WARS2: variants seen among roughly 807,000 people sequenced by gnomAD.
WARS2 encodes tryptophan--tRNA ligase, mitochondrial.
WARS2 carries 28 observed loss-of-function variants against 36.5 expected under a neutral mutation model. The ratio of observed to expected loss-of-function variants is 0.77; its 90% CI spans 0.57 to 1.05. The LOEUF (loss-of-function observed/expected upper bound fraction) is 1.05, where lower values mean the gene tolerates loss of function less well. Among genes scored for constraint, WARS2 ranks in the 50% least tolerant of loss-of-function variants. The pLI, the probability that WARS2 is intolerant of heterozygous loss-of-function variation, is 0.00. For missense variants in WARS2, 435 were observed against 456.8 expected, an observed-to-expected ratio of 0.95 and a Z score of 0.44; for synonymous variants, 174 against 178.4, an observed-to-expected ratio of 0.98 and a Z score of 0.20.
chr1:119,058,312 T>TC (rs1430445588), intron 2 of WARS2, among the ~76,000 whole-genome samples: 1 of 132,544 alleles, frequency 7.5e-6, no homozygotes, highest in Non-Finnish European at 1.6e-5. Flanking sequence ...TATTTCTTTT[T>TC]TTTTTTTTTT....
intron 2 of WARS2, among the ~76,000 whole-genome samples, chr1:119,069,677 T>A (rs1327426760): frequency 1.3e-5 from 2 of 152,150 alleles, no homozygotes; most frequent in Non-Finnish European, 2.9e-5. Context: ...TGGGCTTCAT[T>A]TTTTAAGGGA....
At chr1:119,132,419 G>A (rs958364791) in intron 1 of WARS2, among the ~76,000 whole-genome samples, 3 of 152,156 alleles carry the variant, frequency 2.0e-5, no homozygotes, top group Admixed American at 6.5e-5. Flanking sequence ...GTTCCACACA[G>A]TCTGGTCCTT....
rs931549218 is a variant in WARS2, at chr1:119,032,612, C to G, written c.*299G>C. 1 of 379,816 alleles carries G rather than the reference C, an allele frequency of 2.6e-6. No individual in the cohort carries two copies. The highest frequency in any genetic ancestry group is 2.1e-5 in the African/African-American group (1 of 48,238). 23.5% of individuals were successfully genotyped at this position (379,816 alleles called of 1,614,324 possible). A position where few individuals can be genotyped will look rare whatever the true frequency, so the allele number is the denominator to read the frequency against. On this transcript the variant is annotated 3_prime_UTR_variant, in exon 6 of 6. Transcript: ENST00000235521. ...AAATGATACTCCATTTCCCAAATTA[C>G]TCCTTACTTCAATCACATTTCTGCA...
At chr1:119,038,615 T>C (rs1041606860) in intron 4 of WARS2, among the ~76,000 whole-genome samples, 1 of 152,174 alleles carries the variant, frequency 6.6e-6, no homozygotes, top group Non-Finnish European at 1.5e-5. Context: ...GGTTTCTGCC[T>C]GCAGTTTCTT....
rs1557767979 is a variant in WARS2 at position 119,140,582 on chromosome 1, C to T, written c.63G>A (p.Lys21=). ...GGAGAGCGGGAGCAGCTGCGGATCCCTTATGAAGTGCCCGGATGAAGCTCC... is the reference window on the plus strand; with the variant it reads ...GGAGAGCGGGAGCAGCTGCGGATCCTTTATGAAGTGCCCGGATGAAGCTCC... The part of the protein sequence containing the change: ...ERWSFIRALH[K]GSAAAPALQK... Residue 21 remains lysine (K), a synonymous_variant, in exon 1 of 6, where the codon AAG becomes AAA. Coordinates refer to ENST00000235521, the MANE Select transcript of WARS2 (RefSeq NM_015836.4). 1 of 1,613,918 alleles carries T rather than the reference C, an allele frequency of 6.2e-7. No homozygotes were observed. The highest frequency in any genetic ancestry group is 1.1e-5 in the South Asian group (1 of 91,046).
Position 119,069,595 on chromosome 1 carries a change from A to G in WARS2, c.348+6755T>C, listed in dbSNP as rs538481587. 5.9e-5 allele frequency among the ~76,000 whole-genome samples: 9 copies of G among 152,360 alleles called. No individual in the cohort carries two copies. In the South Asian group the frequency reaches 1.4e-3, roughly 25 times the overall value. On this transcript the variant is annotated intron_variant, in intron 2 of 5. Transcript: ENST00000235521. ...TGGTAGAAGGTAATCAGATCATCCA[A>G]ACACAAACTGATAATAAAAGGTCTG...
intron 1 of WARS2, among the ~76,000 whole-genome samples, chr1:119,109,236 T>C (rs1158510976): frequency 6.6e-6 from 1 of 151,974 alleles, no homozygotes; most frequent in Non-Finnish European, 1.5e-5. Flanking sequence ...TTCAGTTGAT[T>C]TATGGAGTGT....
intron 1 of WARS2, among the ~76,000 whole-genome samples, chr1:119,133,464 T>C (rs769916626): frequency 2.2e-4 from 33 of 152,218 alleles, no homozygotes. Context: ...GCTAGCTGGG[T>C]TTACATTTTG....
intron 1 of WARS2, among the ~76,000 whole-genome samples, chr1:119,092,286 T>C (rs1004961107): frequency 6.6e-6 from 1 of 152,206 alleles, no homozygotes; most frequent in African/African-American, 2.4e-5. Context: ...TGCACCCTGT[T>C]AAAGCACTCT....
chr1:119,082,619 T>G (rs1204830344), intron 1 of WARS2: 1 of 220,190 alleles, frequency 4.5e-6, no homozygotes, highest in Non-Finnish European at 7.7e-6. Context: ...TTAGAACTTC[T>G]TGGCTTCAAG....
chr1:119,130,418 G>C (rs1175985248), intron 1 of WARS2, among the ~76,000 whole-genome samples: 1 of 152,118 alleles, frequency 6.6e-6, no homozygotes, highest in African/African-American at 2.4e-5. Flanking sequence ...ATAATTAGTG[G>C]TACCTGTGAA....
chr1:119,118,949 A>C (rs759956796), intron 1 of WARS2, among the ~76,000 whole-genome samples: 1 of 152,204 alleles, frequency 6.6e-6, no homozygotes, highest in African/African-American at 2.4e-5. Context: ...TCTTGAAACA[A>C]AACCCCAAAA....
intron 1 of WARS2, among the ~76,000 whole-genome samples, chr1:119,138,517 A>G (rs977587964): frequency 6.6e-6 from 1 of 152,206 alleles, no homozygotes; most frequent in Non-Finnish European, 1.5e-5. Context: ...GAAACAAATA[A>G]CTTTTAACCC....
intron 2 of WARS2, among the ~76,000 whole-genome samples, chr1:119,056,767 G>A (rs1025900585): frequency 1.3e-5 from 2 of 151,812 alleles, no homozygotes; most frequent in African/African-American, 4.8e-5. Flanking sequence ...CTGTGGATTT[G>A]TTTGGCTTAT....
At chr1:119,075,328 A>G (rs1571321460) in intron 2 of WARS2, among the ~76,000 whole-genome samples, 1 of 152,140 alleles carries the variant, frequency 6.6e-6, no homozygotes, top group East Asian at 1.9e-4. Flanking sequence ...AGTATACGAG[A>G]GAGTATGTGT....
At chr1:119,054,555 ATATAC>A (rs1649621138) in intron 2 of WARS2, among the ~76,000 whole-genome samples, 2 of 152,206 alleles carry the variant, frequency 1.3e-5, no homozygotes, top group Admixed American at 1.3e-4. Flanking sequence ...TTTCTCATAT[ATATAC>A]ATAAGAATCA....
At chr1:119,067,221 T>C (rs1650952207) in intron 2 of WARS2, among the ~76,000 whole-genome samples, 1 of 152,230 alleles carries the variant, frequency 6.6e-6, no homozygotes, top group Admixed American at 6.5e-5. Flanking sequence ...AATGGCTATA[T>C]TATATGCAAT....
chr1:119,075,282 T>A (rs1426972501), intron 2 of WARS2, among the ~76,000 whole-genome samples: 2 of 152,156 alleles, frequency 1.3e-5, no homozygotes, highest in South Asian at 4.1e-4. Flanking sequence ...ATTTATATTG[T>A]ATTAGGTTAT....
At chr1:119,071,349 T>C (rs1213803347) in intron 2 of WARS2, among the ~76,000 whole-genome samples, 5 of 152,230 alleles carry the variant, frequency 3.3e-5, no homozygotes, top group Non-Finnish European at 4.4e-5. Flanking sequence ...TGGGTATATA[T>C]ACAAAGGAAA....
Sources: gnomAD v4.1 joint callset for allele counts (sites outside exome capture counted in the v4.1 genomes callset) on GRCh38, gnomAD v4.1.1 for gene constraint, MANE v1.5 for transcripts, NCBI Gene and HGNC (gene_info 2026-07-23, HGNC 2026-07-21) for gene names.